EPS15L1: variants seen among roughly 807,000 people sequenced by gnomAD.
EPS15L1 encodes the protein epidermal growth factor receptor pathway substrate 15 like 1, also known as epidermal growth factor receptor substrate 15-like 1.
A neutral mutation model predicts 117.1 loss-of-function variants in EPS15L1; 43 were observed. The ratio of observed to expected loss-of-function variants is 0.37; its 90% confidence interval spans 0.29 to 0.47. EPS15L1 has a LOEUF of 0.47. Among genes scored for constraint, EPS15L1 ranks in the 20% least tolerant of loss-of-function variants. The pLI, the probability that EPS15L1 is intolerant of heterozygous loss-of-function variation, is 0.99. For missense variants in EPS15L1, 981 were observed against 1,164.0 expected (o/e 0.84, Z 2.29); for synonymous variants, 459 against 470.5 (o/e 0.98, Z 0.32).
Position 16,385,230 on chromosome 19 carries a change from AAGTCAG to A in EPS15L1, c.2165-25_2165-20del, listed in dbSNP as rs762526029. On this transcript the variant is annotated intron_variant, in intron 20 of 23. Coordinates refer to ENST00000455140, the MANE Select transcript of EPS15L1 (RefSeq NM_001258374.3). Reference sequence around the variant, plus strand: ...AAGGGATCTGCAATCGGCACCAACAAAGTCAGAGTTACAGGTCTTTAAGAGAACATG... The same window carrying A: ...AAGGGATCTGCAATCGGCACCAACAAAGTTACAGGTCTTTAAGAGAACATG... 1.4e-5 allele frequency: 23 copies of A among 1,608,386 alleles called. No individual in the cohort carries two copies. The highest frequency in any genetic ancestry group is 1.9e-5 in the Non-Finnish European group (22 of 1,175,024).
intron 16 of EPS15L1, 107 bp from the exon 17 acceptor site, chr19:16,395,574 TAA>T: frequency 8.5e-7 from 1 of 1,174,636 alleles, no homozygotes. Flanking sequence ...AGCATGACCC[TAA>T]AAAGAATGAT....
At chr19:16,462,108 G>A (rs766109620) in intron 1 of EPS15L1, among the ~76,000 whole-genome samples, 5 of 152,194 alleles carry the variant, frequency 3.3e-5, no homozygotes, top group Non-Finnish European at 5.9e-5. Context: ...TGATTCAGAC[G>A]CCTGTTCTCC....
At chr19:16,408,771 G>A (rs1477155490) in intron 13 of EPS15L1, among the ~76,000 whole-genome samples, 2 of 152,126 alleles carry the variant, frequency 1.3e-5, no homozygotes, top group African/African-American at 4.8e-5. Context: ...ACTTTTACAG[G>A]GCTGCAGTAA....
chr19:16,374,515 T>C (rs1032416887), intron 22 of EPS15L1, among the ~76,000 whole-genome samples: 3 of 152,120 alleles, frequency 2.0e-5, no homozygotes, highest in African/African-American at 7.3e-5. Context: ...AGCATTCTTT[T>C]CTGCTTTCGA....
intron 1 of EPS15L1, among the ~76,000 whole-genome samples, chr19:16,461,571 G>A (rs548916525): frequency 2.0e-5 from 3 of 152,098 alleles, no homozygotes; most frequent in South Asian, 4.2e-4. Flanking sequence ...GCGGTGAGCT[G>A]AGATCGCGCC....
At chr19:16,402,574 C>T in intron 15 of EPS15L1, 89 bp from the exon 16 acceptor site, 1 of 1,257,944 alleles carries the variant, frequency 7.9e-7, no homozygotes, top group South Asian at 1.5e-5. Context: ...CAGGGTCTCA[C>T]TCTGTCACCC....
intron 9 of EPS15L1, 73 bp downstream of exon 9, chr19:16,425,010 T>C (rs1449491112): frequency 7.9e-7 from 1 of 1,265,642 alleles, no homozygotes; most frequent in African/African-American, 1.5e-5. Flanking sequence ...GTTCTGGGGT[T>C]GCATGTTAAG....
At chr19:16,367,428 G>A (rs981834279) in intron 22 of EPS15L1, among the ~76,000 whole-genome samples, 3 of 132,756 alleles carry the variant, frequency 2.3e-5, no homozygotes, top group Admixed American at 9.1e-5. Flanking sequence ...GCGGTGTACC[G>A]AAACCACACA....
rs191553602 is a variant in EPS15L1 at position 16,381,161 on chromosome 19, G to A, written c.2248-3907C>T. On this transcript the variant is annotated intron_variant, in intron 21 of 23. Transcript: ENST00000455140. The surrounding 1 kb of genome is among the most constrained non-coding windows in gnomAD (Gnocchi z 4.2). ...GAAGCTGCCCAGGCAGGAGACACTC[G>A]CTCTGTGCTGATCTTCTCACCTAAT... Among the ~76,000 whole-genome samples the A allele has an allele frequency of 7.9e-5, 12 of 152,360 alleles. No homozygotes were observed. In the East Asian group the frequency reaches 1.7e-3, roughly 22 times the overall value.
At chr19:16,430,105 A>T (rs1320402039) in intron 7 of EPS15L1, among the ~76,000 whole-genome samples, 1 of 152,060 alleles carries the variant, frequency 6.6e-6, no homozygotes, top group Non-Finnish European at 1.5e-5. Context: ...GCCTTCACTC[A>T]AGTTGCCCAC....
At chr19:16,456,812 G>GAGGGGAACTCA (rs1385150557) in intron 1 of EPS15L1, among the ~76,000 whole-genome samples, 20 of 152,158 alleles carry the variant, frequency 1.3e-4, no homozygotes, top group African/African-American at 4.8e-4. Context: ...CTTGGGGCCA[G>GAGGGGAACTCA]GTGTGCACCG....
intron 8 of EPS15L1, among the ~76,000 whole-genome samples, chr19:16,427,875 C>T (rs768122034): frequency 3.3e-5 from 5 of 150,760 alleles, no homozygotes; most frequent in Admixed American, 6.6e-5. Flanking sequence ...GCCTGGGTGA[C>T]AGAGCAAGAC....
Position 16,392,427 on chromosome 19 carries a change from C to A in EPS15L1, c.1980G>T (p.Gly660=). Residue 660 remains glycine, a synonymous_variant, in exon 19 of 24, where the codon GGG becomes GGT. Transcript: ENST00000455140. ...ATGGGTCACTTTCTTTGAAAGGGTCCCCTCCAAATGGATCTAGAAGGAAAA... is the reference window on the plus strand; with the variant it reads ...ATGGGTCACTTTCTTTGAAAGGGTCACCTCCAAATGGATCTAGAAGGAAAA... The part of the protein sequence containing the change: ...QQTTSTDPFG[G]DPFKESDPFR... 1 of 1,614,056 alleles carries A rather than the reference C, an allele frequency of 6.2e-7. No homozygotes were observed. Among genetic ancestry groups the A allele is most frequent in the Non-Finnish European group, 8.5e-7 (1 of 1,179,954 alleles).
intron 7 of EPS15L1, among the ~76,000 whole-genome samples, chr19:16,429,889 A>G (rs933606559): frequency 3.3e-5 from 5 of 152,204 alleles, no homozygotes; most frequent in African/African-American, 1.2e-4. Flanking sequence ...TTAGGGCTGG[A>G]TCATGCTCTG....
At chr19:16,396,803 C>T (rs59915356) in intron 16 of EPS15L1, among the ~76,000 whole-genome samples, 168 of 152,264 alleles carry the variant, frequency 1.1e-3, no homozygotes, top group African/African-American at 3.9e-3. Flanking sequence ...ACACATGCTC[C>T]AACATGGAAG....
chr19:16,397,721 C>T (rs1017897984), intron 16 of EPS15L1, among the ~76,000 whole-genome samples: 5 of 151,706 alleles, frequency 3.3e-5, no homozygotes, highest in African/African-American at 1.2e-4. Context: ...TAGAAACAAA[C>T]AGGTTCATTT....
At position 16,386,085 on chromosome 19, in the gene EPS15L1, G is replaced by C. The variant is rs1035006541; in HGVS notation, c.2164+86C>G. On this transcript the variant is annotated intron_variant, in intron 20 of 23. Transcript: ENST00000455140. ...TGACACAAACACAGAGGCCACGCTGGCTTTGGGAGTGAAAGTGTTAACTGC... is the reference window on the plus strand; with the variant it reads ...TGACACAAACACAGAGGCCACGCTGCCTTTGGGAGTGAAAGTGTTAACTGC... 27 of 1,049,010 alleles carry C rather than the reference G, an allele frequency of 2.6e-5. No individual in the cohort carries two copies. The African/African-American group carries it at 3.7e-4, about 14-fold the overall frequency. 65.0% of individuals were successfully genotyped at this position (1,049,010 alleles called of 1,614,324 possible). A position where few individuals can be genotyped will look rare whatever the true frequency, so the allele number is the denominator to read the frequency against.
At chr19:16,464,191 C>T (rs543847611) in intron 1 of EPS15L1, among the ~76,000 whole-genome samples, 6 of 152,348 alleles carry the variant, frequency 3.9e-5, no homozygotes, top group South Asian at 2.1e-4. Context: ...GATGGAAATC[C>T]GAGACAAATG....
chr19:16,369,794 A>T (rs540941747), intron 22 of EPS15L1, among the ~76,000 whole-genome samples: 1 of 152,206 alleles, frequency 6.6e-6, no homozygotes, highest in South Asian at 2.1e-4. Flanking sequence ...CAGGTGTCAC[A>T]ATTCTGGCTT....
Sources: gnomAD v4.1 joint callset for allele counts (sites outside exome capture counted in the v4.1 genomes callset) on GRCh38, gnomAD v4.1.1 for gene constraint, Gnocchi (gnomAD v3.1) non-coding constraint, MANE v1.5 for transcripts, NCBI Gene and HGNC (gene_info 2026-07-23, HGNC 2026-07-21) for gene names.